Variants in SCHIP1 observed in about 807,000 individuals in gnomAD.
SCHIP1 encodes the protein schwannomin-interacting protein 1.
In SCHIP1, 8 loss-of-function variants were observed where a neutral mutation model predicts 29.7. That is an observed-to-expected ratio of 0.27 (90% CI 0.16 to 0.49). The LOEUF is 0.49. Ranked by LOEUF, SCHIP1 falls within the 20% of genes least tolerant of loss-of-function variation. SCHIP1 has a pLI of 0.99. For missense variants in SCHIP1, 193 were observed against 294.6 expected, an observed-to-expected ratio of 0.66 and a Z score of 2.52; for synonymous variants, 76 against 94.9, an observed-to-expected ratio of 0.80 and a Z score of 1.16.
chr3:159,570,295 T>C, the SCHIP1 span, among the ~76,000 whole-genome samples: 1 of 152,364 alleles, frequency 6.6e-6, no homozygotes, highest in Non-Finnish European at 1.5e-5. Context: ...TTTAAGTCTT[T>C]AATCCATCTT....
At chr3:159,539,256 G>GAAAGACAT in the SCHIP1 span, among the ~76,000 whole-genome samples, 9 of 138,774 alleles carry the variant, frequency 6.5e-5, no homozygotes, top group East Asian at 2.3e-4. Context: ...AAGAACTTAG[G>GAAAGACAT]GTTATAATTT....
chr3:159,734,940 C>T, the SCHIP1 span, among the ~76,000 whole-genome samples: 3 of 152,076 alleles, frequency 2.0e-5, no homozygotes, highest in African/African-American at 7.2e-5. Context: ...CAGAAGGATG[C>T]CCAACTCACT....
chr3:159,456,215 GTT>G, the SCHIP1 span, among the ~76,000 whole-genome samples: 1 of 152,108 alleles, frequency 6.6e-6, no homozygotes, highest in South Asian at 2.1e-4. Context: ...TTGCCTTATG[GTT>G]TATGTCTCTG....
chr3:159,415,103 T>C, the SCHIP1 span, among the ~76,000 whole-genome samples: 1 of 152,122 alleles, frequency 6.6e-6, no homozygotes, highest in South Asian at 2.1e-4. Flanking sequence ...CTAAGCCAAA[T>C]GAATGAGGAA....
the SCHIP1 span, among the ~76,000 whole-genome samples, chr3:159,565,942 A>G: frequency 6.6e-6 from 1 of 152,336 alleles, no homozygotes; most frequent in East Asian, 1.9e-4. Context: ...CACTTACTCT[A>G]TATATGTCAG....
chr3:159,288,302 A>G, the SCHIP1 span, among the ~76,000 whole-genome samples: 1 of 152,250 alleles, frequency 6.6e-6, no homozygotes, highest in African/African-American at 2.4e-5. Context: ...TTTCTAATTT[A>G]AAACGATGCC....
chr3:159,717,522 G>A, the SCHIP1 span, among the ~76,000 whole-genome samples: 1 of 151,482 alleles, frequency 6.6e-6, no homozygotes, highest in Non-Finnish European at 1.5e-5. Context: ...AATCAAATAG[G>A]CACAATAAAA....
the SCHIP1 span, among the ~76,000 whole-genome samples, chr3:159,660,327 G>A: frequency 1.3e-5 from 2 of 152,172 alleles, no homozygotes; most frequent in African/African-American, 4.8e-5. Context: ...TTTTGCTTTA[G>A]TACCTTTTCC....
At chr3:159,599,169 AATTT>A in the SCHIP1 span, among the ~76,000 whole-genome samples, 11 of 152,214 alleles carry the variant, frequency 7.2e-5, no homozygotes, top group Admixed American at 7.2e-4. Flanking sequence ...TTAAGTGGAG[AATTT>A]AATTCTTCTA....
chr3:159,389,817 G>C, the SCHIP1 span, among the ~76,000 whole-genome samples: 1 of 151,972 alleles, frequency 6.6e-6, no homozygotes, highest in Non-Finnish European at 1.5e-5. Context: ...CATAAGGTGG[G>C]TGCAACTTTT....
At chr3:159,345,538 ACAG>A in the SCHIP1 span, among the ~76,000 whole-genome samples, 1 of 147,342 alleles carries the variant, frequency 6.8e-6, no homozygotes, top group Admixed American at 6.7e-5. Context: ...GTTTTTTTTT[ACAG>A]CAGTGTCTCT....
chr3:159,627,900 A>C, the SCHIP1 span, among the ~76,000 whole-genome samples: 2 of 152,216 alleles, frequency 1.3e-5, no homozygotes, highest in African/African-American at 4.8e-5. Context: ...TGAAAGGTAG[A>C]TAAAACCCAT....
chr3:159,297,139 T>TGTGTGC, the SCHIP1 span, among the ~76,000 whole-genome samples: 1 of 140,752 alleles, frequency 7.1e-6, no homozygotes, highest in Non-Finnish European at 1.5e-5. Flanking sequence ...TGTGTGTGTG[T>TGTGTGC]GTGTGTGTGT....
At chr3:159,543,218 T>G in the SCHIP1 span, among the ~76,000 whole-genome samples, 1 of 151,608 alleles carries the variant, frequency 6.6e-6, no homozygotes, top group Admixed American at 6.6e-5. Flanking sequence ...TTTATTTTAT[T>G]ATTATTATAC....
At chr3:159,743,977 C>A in the SCHIP1 span, among the ~76,000 whole-genome samples, 1 of 151,716 alleles carries the variant, frequency 6.6e-6, no homozygotes, top group African/African-American at 2.4e-5. Flanking sequence ...GAAGAAGCAC[C>A]CCCCAAATTT....
chr3:159,628,570 T>A, the SCHIP1 span, among the ~76,000 whole-genome samples: 778 of 152,262 alleles, frequency 5.1e-3, 2 homozygotes, highest in Admixed American at 0.011. Flanking sequence ...ACCTGGAATC[T>A]GTAAGAAAGA....
At chr3:159,457,693 A>G in the SCHIP1 span, among the ~76,000 whole-genome samples, 9 of 151,852 alleles carry the variant, frequency 5.9e-5, no homozygotes, top group Non-Finnish European at 1.3e-4. Flanking sequence ...ATGTTCCAAG[A>G]CCCCCAGTGG....
At chr3:159,578,228 A>C in the SCHIP1 span, among the ~76,000 whole-genome samples, 1 of 152,226 alleles carries the variant, frequency 6.6e-6, no homozygotes, top group Admixed American at 6.5e-5. Flanking sequence ...AGTAGCCACC[A>C]GTCACACATG....
At chr3:159,354,348 T>C in the SCHIP1 span, among the ~76,000 whole-genome samples, 1 of 152,312 alleles carries the variant, frequency 6.6e-6, no homozygotes. Context: ...ATTAGACACA[T>C]CATGATACTA....
Sources: allele counts gnomAD v4.1 joint callset (sites outside exome capture counted in the v4.1 genomes callset), GRCh38; gene constraint gnomAD v4.1.1; transcripts MANE v1.5; gene names NCBI Gene and HGNC (gene_info 2026-07-23, HGNC 2026-07-21).